Variants in CEP250 observed in about 807,000 individuals in gnomAD.
The protein encoded by CEP250 is centrosome-associated protein CEP250.
Under a neutral mutation model 315.7 loss-of-function variants are expected in CEP250, and 242 were observed. The ratio of observed to expected loss-of-function variants is 0.77; its 90% CI spans 0.69 to 0.85. The LOEUF (loss-of-function observed/expected upper bound fraction) is 0.85. Ranked by LOEUF, CEP250 falls within the 40% of genes least tolerant of loss-of-function variation. The probability of loss-of-function intolerance (pLI) is 0.00; values close to 1 mark genes in which losing one functional copy is unlikely to be tolerated. For synonymous variants in CEP250, 1,088 were observed against 1,175.0 expected (o/e 0.93, Z 1.51); for missense variants, 2,515 against 2,886.4 (o/e 0.87, Z 2.95).
At chr20:35,488,029 A>G (rs1403394842) in intron 20 of CEP250, among the ~76,000 whole-genome samples, 1 of 152,114 alleles carries the variant, frequency 6.6e-6, no homozygotes, top group Non-Finnish European at 1.5e-5. Flanking sequence ...GAAATACCCC[A>G]CCAACATGGT....
chr20:35,490,666 G>A lies in CEP250; in HGVS notation c.2616G>A (p.Glu872=). The part of the protein sequence containing the change: ...WEKERSWHQQ[E]LAKALESLER... ...AGGAGCGCTCCTGGCACCAGCAGGA[G>A]CTGGCAAAGGCTCTGGAGAGCTTAG... The change falls in exon 21 of 35, where the codon GAG becomes GAA. Residue 872 remains glutamate (E), a synonymous_variant. Transcript: ENST00000397527. 1 of 1,613,732 alleles carries A rather than the reference G, an allele frequency of 6.2e-7. No individual in the cohort carries two copies. The highest frequency in any genetic ancestry group is 8.5e-7 in the Non-Finnish European group (1 of 1,179,934).
chr20:35,469,898 A>G lies in CEP250; in HGVS notation c.860A>G (p.Glu287Gly). ...TATGCTCTTCTCTTTAGGGTGACCG[A>G]GCTCTCTGCTCTGTTGACCCAGTCT... ...EKAELQDRVT[E>G]LSALLTQSQK... The change falls in exon 10 of 35, where the codon GAG (glutamate) becomes GGG (glycine). Residue 287 changes from glutamate to glycine, a missense_variant. Coordinates refer to ENST00000397527, the MANE Select transcript of CEP250 (RefSeq NM_007186.6). 4.3e-6 allele frequency: 7 copies of G among 1,612,006 alleles called. No homozygotes were observed. The highest frequency in any genetic ancestry group is 5.1e-6 in the Non-Finnish European group (6 of 1,178,358).
intron 20 of CEP250, among the ~76,000 whole-genome samples, chr20:35,482,749 A>G (rs1441466404): frequency 2.7e-5 from 4 of 146,494 alleles, no homozygotes; most frequent in Non-Finnish European, 6.0e-5. Context: ...TTTAGTAGAG[A>G]TGGGGTTTCA....
Position 35,467,380 on chromosome 20 carries a change from G to A in CEP250, c.676G>A (p.Gly226Arg), listed in dbSNP as rs2062911051. 2 of 1,614,024 alleles carry A rather than the reference G, an allele frequency of 1.2e-6. No homozygotes were observed. The highest frequency in any genetic ancestry group is 1.7e-6 in the Non-Finnish European group (2 of 1,179,986). ...LLTCCLRLTVGAQSREPNGSG... is the reference protein window; with the variant it reads ...LLTCCLRLTVRAQSREPNGSG... The stretch of plus-strand genomic sequence containing the variant: ...GACCTGTTGTCTGCGCTTGACTGTG[G>A]GAGCACAGTCTCGGGAACCCAACGG... The change falls in exon 9 of 35, where the codon GGA (glycine) becomes AGA (arginine). Residue 226 changes from glycine (G) to arginine (R), a missense_variant. Physicochemically the swap from Gly to Arg is moderately radical, Grantham distance 125 (BLOSUM62 -2). Coordinates refer to ENST00000397527, the MANE Select transcript of CEP250 (RefSeq NM_007186.6).
At position 35,496,684 on chromosome 20, in the gene CEP250, C is replaced by T. The variant is rs1477111303; in HGVS notation, c.3275C>T (p.Ala1092Val). ...LSALRQDMQE[A>V]QGEQKELSAQ... Reference sequence around the variant, plus strand: ...GCCCTGCGCCAGGACATGCAGGAGGCCCAGGGAGAACAGAAAGAGCTCAGT... The same window carrying T: ...GCCCTGCGCCAGGACATGCAGGAGGTCCAGGGAGAACAGAAAGAGCTCAGT... The change falls in exon 25 of 35, where the codon GCC (alanine) becomes GTC (valine). Residue 1092 changes from alanine to valine, a missense_variant. Transcript: ENST00000397527. The T allele has an allele frequency of 1.9e-6, 3 of 1,614,006 alleles. No individual in the cohort carries two copies. The highest frequency in any genetic ancestry group is 2.5e-6 in the Non-Finnish European group (3 of 1,179,964).
In CEP250 at chr20:35,511,803, A is replaced by G. The variant is rs2064370498; in HGVS notation, c.*177A>G. 1 of 1,408,964 alleles carries G rather than the reference A, an allele frequency of 7.1e-7. No homozygotes were observed. The highest frequency in any genetic ancestry group is 1.4e-5 in the African/African-American group (1 of 69,508). The allele number at this position is 1,408,964 out of a possible 1,614,324, so 87.3% of individuals were successfully genotyped here. A position where few individuals can be genotyped will look rare whatever the true frequency, so the allele number is the denominator to read the frequency against. ...GCAACCCTGGGGAGGACCCCAACTC[A>G]CCTGGGAATGAGGCAAATTGCATTT... On this transcript the variant is annotated 3_prime_UTR_variant, in exon 35 of 35. Coordinates refer to ENST00000397527, the MANE Select transcript of CEP250 (RefSeq NM_007186.6).
In CEP250 at chr20:35,496,731, G is replaced by C; in HGVS notation, c.3306+16G>C. Reference sequence around the variant, plus strand: ...CAGTGCTCAGGTACTTCCCACTCTGGTTATGAGCTCTGCATCCCTGGCAGA... The same window carrying C: ...CAGTGCTCAGGTACTTCCCACTCTGCTTATGAGCTCTGCATCCCTGGCAGA... On this transcript the variant is annotated intron_variant, in intron 25 of 34. Transcript: ENST00000397527. The C allele has an allele frequency of 3.7e-6, 6 of 1,608,078 alleles. No homozygotes were observed. Among genetic ancestry groups the C allele is most frequent in the Non-Finnish European group, 5.1e-6 (6 of 1,177,366 alleles).
intron 14 of CEP250, among the ~76,000 whole-genome samples, chr20:35,474,275 A>T (rs1168799889): frequency 6.6e-6 from 1 of 152,154 alleles, no homozygotes; most frequent in Non-Finnish European, 1.5e-5. Flanking sequence ...ACTGAGGGGG[A>T]TACAGAAATG....
At chr20:35,461,154 C>A (rs560503447) in intron 3 of CEP250, among the ~76,000 whole-genome samples, 1 of 152,306 alleles carries the variant, frequency 6.6e-6, no homozygotes, top group African/African-American at 2.4e-5. Context: ...TTTGCATTCG[C>A]TGTATATACC....
In CEP250 at chr20:35,505,601, C is replaced by T. The variant is rs142191468; in HGVS notation, c.6636+596C>T. On this transcript the variant is annotated intron_variant, in intron 30 of 34. Transcript: ENST00000397527. ...TCAGGAGGCGGAGGTTGCAGTGAGCCGAGATCGCACCATTGCACTCGAGCC... is the reference window on the plus strand; with the variant it reads ...TCAGGAGGCGGAGGTTGCAGTGAGCTGAGATCGCACCATTGCACTCGAGCC... 9.3e-3 allele frequency among the ~76,000 whole-genome samples: 1,344 copies of T among 144,714 alleles called. 16 individuals carry two copies. The highest frequency in any genetic ancestry group is 0.031 in the African/African-American group (1,243 of 39,628). The allele number at this position is 144,714 out of a possible 152,430, so 94.9% of individuals were successfully genotyped here. A position where few individuals can be genotyped will look rare whatever the true frequency, so the allele number is the denominator to read the frequency against.
intron 22 of CEP250, among the ~76,000 whole-genome samples, chr20:35,492,557 G>A (rs2063727126): frequency 6.6e-6 from 1 of 152,190 alleles, no homozygotes; most frequent in Non-Finnish European, 1.5e-5. Flanking sequence ...CCTGTCGCAA[G>A]GGCCCTGGGA....
Position 35,500,070 on chromosome 20 carries a change from C to G in CEP250, c.3799C>G (p.Gln1267Glu). The change falls in exon 28 of 35, where the codon CAG becomes GAG. Residue 1267 changes from glutamine to glutamate, a missense_variant. Gln to Glu is a conservative substitution (Grantham distance 29). Coordinates refer to ENST00000397527, the MANE Select transcript of CEP250 (RefSeq NM_007186.6). ...CCAGGATGTTCTGAGGGATCAGGTC[C>G]AGAAACTGGAAGAGCGTCTAACTGA... ...QTRDVLRDQV[Q>E]KLEERLTDTE... 2 of 1,614,116 alleles carry G rather than the reference C, an allele frequency of 1.2e-6. No homozygotes were observed. Among genetic ancestry groups the G allele is most frequent in the East Asian group, 2.2e-5 (1 of 44,880 alleles).
At chr20:35,508,378 G>A (rs1204141463) in intron 32 of CEP250, among the ~76,000 whole-genome samples, 188 bp downstream of exon 32, 2 of 151,602 alleles carry the variant, frequency 1.3e-5, no homozygotes, top group East Asian at 1.9e-4. Context: ...GGAATGGTAC[G>A]ATCTCCGCTC....
Position 35,472,784 on chromosome 20 carries a change from C to T in CEP250, c.1162C>T (p.Leu388Phe), listed in dbSNP as rs776458602. Residue 388 changes from leucine to phenylalanine, a missense_variant, in exon 12 of 35, where the codon CTT becomes TTT. By Grantham distance (22) the Leu-to-Phe change is conservative (BLOSUM62 0). Transcript: ENST00000397527. ...TGATTACCAGGATGCAGACAAGGCT[C>T]TTACTCTGGTGCGTTCAGTGCTGAC... ...QFDYQDADKA[L>F]TLVRSVLTRR... 8 of 1,614,188 alleles carry T rather than the reference C, an allele frequency of 5.0e-6. No individual in the cohort carries two copies. The highest frequency in any genetic ancestry group is 1.1e-5 in the South Asian group (1 of 91,084).
In CEP250 at chr20:35,508,975, G is replaced by A. The variant is rs2064275947; in HGVS notation, c.6939G>A (p.Glu2313=). 3 of 1,557,186 alleles carry A rather than the reference G, an allele frequency of 1.9e-6. No individual in the cohort carries two copies. The highest frequency in any genetic ancestry group is 3.9e-5 in the Admixed American group (2 of 51,764). The change falls in exon 33 of 35, where the codon GAG becomes GAA. Residue 2313 remains glutamate (E), a synonymous_variant. Coordinates refer to ENST00000397527, the MANE Select transcript of CEP250 (RefSeq NM_007186.6). ...VERERRKLKR[E]AMRAAQAGSL... The stretch of plus-strand genomic sequence containing the variant: ...GAGAACGGAGGAAGCTGAAGAGGGA[G>A]GCCATGCGTGCGGCCCAGGCAGGGT...
In CEP250 at chr20:35,490,623, C is replaced by T; in HGVS notation, c.2587-14C>T. 3 of 1,609,118 alleles carry T rather than the reference C, an allele frequency of 1.9e-6. No individual in the cohort carries two copies. Among genetic ancestry groups the T allele is most frequent in the Non-Finnish European group, 2.5e-6 (3 of 1,178,762 alleles). ...ACCCATTTGGTTCTAATGGTGTTTC[C>T]TTCATGTGGCCAGGAGAAGGAGCGC... On this transcript the variant is annotated splice_polypyrimidine_tract_variant and intron_variant, in intron 20 of 34. Coordinates refer to ENST00000397527, the MANE Select transcript of CEP250 (RefSeq NM_007186.6).
chr20:35,466,849 C>A, intron 7 of CEP250, 117 bp from the exon 8 acceptor site: 1 of 671,284 alleles, frequency 1.5e-6, no homozygotes, highest in Non-Finnish European at 2.7e-6. Flanking sequence ...CATTCATAAA[C>A]TATCTCCTGT....
intron 20 of CEP250, among the ~76,000 whole-genome samples, chr20:35,480,590 C>CTTTTTTTTTTTT (rs559422487): frequency 9.8e-5 from 12 of 122,128 alleles, no homozygotes; most frequent in Non-Finnish European, 1.3e-4. Context: ...TTTTTTATAT[C>CTTTTTTTTTTTT]TTTTTTTTTT....
chr20:35,476,520 TGCAGCTGTCAA>T lies in CEP250; in HGVS notation c.1791_1801del (p.Ala598GlnfsTer5). 1 of 1,614,106 alleles carries T rather than the reference TGCAGCTGTCAA, an allele frequency of 6.2e-7. No homozygotes were observed. The highest frequency in any genetic ancestry group is 1.1e-5 in the South Asian group (1 of 91,086). The stretch of plus-strand genomic sequence containing the variant: ...AGACAGAAGTAGCTGATCTTCGGGC[TGCAGCTGTCAA>T]GCTCAGTGCCTTAAATGAGGCTTTG... On this transcript the variant is annotated frameshift_variant, in exon 16 of 35. Transcript: ENST00000397527. LOFTEE classifies it high-confidence loss of function.
Sources: allele counts gnomAD v4.1 joint callset (sites outside exome capture counted in the v4.1 genomes callset), GRCh38; gene constraint gnomAD v4.1.1; transcripts MANE v1.5; gene names NCBI Gene and HGNC (gene_info 2026-07-23, HGNC 2026-07-21).